POLR3B: variants seen among roughly 807,000 people sequenced by gnomAD.
POLR3B encodes RNA polymerase III subunit B, also known as DNA-directed RNA polymerase III subunit RPC2.
Under a neutral mutation model 147.4 loss-of-function variants are expected in POLR3B, and 96 were observed. The ratio of observed to expected loss-of-function variants is 0.65; its 90% CI spans 0.55 to 0.77. The LOEUF (loss-of-function observed/expected upper bound fraction) is 0.77. Ranked by LOEUF, POLR3B falls within the 30% of genes least tolerant of loss-of-function variation. The probability of loss-of-function intolerance (pLI) is 0.00; values close to 1 mark genes in which losing one functional copy is unlikely to be tolerated. For missense variants in POLR3B, 1,036 were observed against 1,413.5 expected (o/e 0.73, Z 4.28); for synonymous variants, 461 against 485.9 (o/e 0.95, Z 0.67).
chr12:106,387,392 A>G (rs1041700242), intron 9 of POLR3B, among the ~76,000 whole-genome samples: 1 of 152,122 alleles, frequency 6.6e-6, no homozygotes, highest in Non-Finnish European at 1.5e-5. Flanking sequence ...CAACCCTAGG[A>G]TGACTGTTAT....
intron 23 of POLR3B, among the ~76,000 whole-genome samples, chr12:106,467,381 A>T (rs2038021075): frequency 6.6e-6 from 1 of 152,168 alleles, no homozygotes; most frequent in Non-Finnish European, 1.5e-5. Flanking sequence ...CTAAATACAC[A>T]ATCATGTCAT....
In POLR3B at chr12:106,451,633, C is replaced by CGG. The variant is rs1555214725; in HGVS notation, c.2084-2862_2084-2861dup. Among the ~76,000 whole-genome samples, 20 of 23,040 alleles carry CGG rather than the reference C, an allele frequency of 8.7e-4. 1 individual carries two copies. The highest frequency in any genetic ancestry group is 5.2e-3 in the Admixed American group (9 of 1,728). The allele number at this position is 23,040 out of a possible 152,430, so 15.1% of individuals were successfully genotyped here. ...TGAGACTCTGTTATTTAAAAAAAGG[C>CGG]GGGGGGGGAGGAGAGGGGAGGGAAG... is the stretch of plus-strand genomic sequence containing the variant. On this transcript the variant is annotated intron_variant, in intron 19 of 27. Transcript: ENST00000228347.
chr12:106,366,870 G>A lies in POLR3B; in HGVS notation c.227+148G>A, dbSNP rs1032423963. 38 of 676,612 alleles carry A rather than the reference G, an allele frequency of 5.6e-5. No individual in the cohort carries two copies. The East Asian group carries it at 6.9e-4, about 12-fold the overall frequency. The allele number at this position is 676,612 out of a possible 1,614,324, so 41.9% of individuals were successfully genotyped here. On this transcript the variant is annotated intron_variant, in intron 4 of 27. Coordinates refer to ENST00000228347, the MANE Select transcript of POLR3B (RefSeq NM_018082.6). ...GTAATACCAAGCACTTTGGGAGGCC[G>A]AGGTGGGCAAATCACCTGGGGTCAA... is the stretch of plus-strand genomic sequence containing the variant.
chr12:106,409,189 A>G (rs2037188074), intron 11 of POLR3B, among the ~76,000 whole-genome samples: 1 of 152,164 alleles, frequency 6.6e-6, no homozygotes, highest in African/African-American at 2.4e-5. Context: ...AACTTGCCAC[A>G]TTAAGATTAG....
intron 23 of POLR3B, among the ~76,000 whole-genome samples, chr12:106,492,780 C>G (rs182106880): frequency 6.6e-6 from 1 of 152,156 alleles, no homozygotes; most frequent in South Asian, 2.1e-4. Flanking sequence ...CTCAATTCTT[C>G]CCCTTTACAA....
At position 106,444,458 on chromosome 12, in the gene POLR3B, G is replaced by C; in HGVS notation, c.1956-5G>C. On this transcript the variant is annotated splice_polypyrimidine_tract_variant and splice_region_variant and intron_variant, in intron 18 of 27. Coordinates refer to ENST00000228347, the MANE Select transcript of POLR3B (RefSeq NM_018082.6). ...AAGATATGTGATTTTTACTTAACTT[G>C]TTAGAGACACCACCCACTTGGAGAT... The C allele has an allele frequency of 6.2e-7, 1 of 1,613,646 alleles. No homozygotes were observed. The highest frequency in any genetic ancestry group is 8.5e-7 in the Non-Finnish European group (1 of 1,179,866).
intron 4 of POLR3B, among the ~76,000 whole-genome samples, chr12:106,367,678 A>G (rs556883118): frequency 1.3e-5 from 2 of 152,334 alleles, no homozygotes; most frequent in African/African-American, 2.4e-5. Context: ...TTGGGGTTAC[A>G]GATGCCAATA....
At chr12:106,476,854 T>A (rs552922533) in intron 23 of POLR3B, among the ~76,000 whole-genome samples, 1 of 152,174 alleles carries the variant, frequency 6.6e-6, no homozygotes, top group African/African-American at 2.4e-5. Context: ...GTCTGAAGAC[T>A]TCTTCTCTCA....
Position 106,509,796 on chromosome 12 carries a change from G to A in POLR3B, c.*247G>A, listed in dbSNP as rs2137098253. The A allele has an allele frequency of 2.3e-6, 1 of 432,514 alleles. No homozygotes were observed. Among genetic ancestry groups the A allele is most frequent in the Admixed American group, 3.5e-5 (1 of 28,904 alleles). The allele number at this position is 432,514 out of a possible 1,614,324, so 26.8% of individuals were successfully genotyped here. A position where few individuals can be genotyped will look rare whatever the true frequency, so the allele number is the denominator to read the frequency against. On this transcript the variant is annotated 3_prime_UTR_variant, in exon 28 of 28. Transcript: ENST00000228347. ...CTGCAAGGCTGCTTGATTCACAGAT[G>A]GATGTGACCTAAAGGATAAATAAGC...
chr12:106,371,916 G>C (rs1310479631), intron 6 of POLR3B, among the ~76,000 whole-genome samples: 2 of 151,812 alleles, frequency 1.3e-5, no homozygotes, highest in Admixed American at 6.6e-5. Context: ...TTGTGCACAT[G>C]TACCCTAAAA....
Position 106,481,912 on chromosome 12 carries a change from G to A in POLR3B, c.2714-14143G>A, listed in dbSNP as rs188646184. Among the ~76,000 whole-genome samples, 188 of 152,244 alleles carry A rather than the reference G, an allele frequency of 1.2e-3. 1 individual carries two copies. Among genetic ancestry groups the A allele is most frequent in the African/African-American group, 4.1e-3 (171 of 41,540 alleles). On this transcript the variant is annotated intron_variant, in intron 23 of 27. Coordinates refer to ENST00000228347, the MANE Select transcript of POLR3B (RefSeq NM_018082.6). ...GCACTAACCTTTTGTTTCCTGACCA[G>A]AGCCTTGCCTCTAAGACTTCTTGGG...
At chr12:106,407,130 T>C (rs776289163) in intron 11 of POLR3B, among the ~76,000 whole-genome samples, 4 of 152,220 alleles carry the variant, frequency 2.6e-5, no homozygotes, top group South Asian at 4.1e-4. Context: ...AAATTCTGAA[T>C]GTTAAAGCTG....
chr12:106,430,519 A>G, intron 14 of POLR3B, 46 bp downstream of exon 14: 1 of 1,450,412 alleles, frequency 6.9e-7, no homozygotes, highest in South Asian at 1.1e-5. Context: ...GGCGATACCT[A>G]TGTCTGTGCA....
intron 19 of POLR3B, among the ~76,000 whole-genome samples, chr12:106,454,012 CATTCTTTTTCTTCCCTTCTCTCCTGT>C (rs747425735): frequency 2.6e-5 from 4 of 152,210 alleles, no homozygotes; most frequent in Non-Finnish European, 5.9e-5. Context: ...CCTCTTTGTT[CATTCTTTTTCTTCCCTTCTCTCCTGT>C]ATTCTTTTTC....
chr12:106,449,326 T>C (rs1192299093), intron 19 of POLR3B, among the ~76,000 whole-genome samples: 3 of 152,140 alleles, frequency 2.0e-5, no homozygotes, highest in African/African-American at 7.2e-5. Flanking sequence ...AAGTTTCTGG[T>C]TTAGGAGCAT....
rs188792677 is a variant in POLR3B at position 106,376,099 on chromosome 12, G to A, written c.405-260G>A. Among the ~76,000 whole-genome samples, 602 of 152,256 alleles carry A rather than the reference G, an allele frequency of 4.0e-3. 7 individuals carry two copies. The highest frequency in any genetic ancestry group is 0.014 in the African/African-American group (583 of 41,560). On this transcript the variant is annotated intron_variant, in intron 6 of 27. Transcript: ENST00000228347. ...GGCCTCATGTGATCCACCCACCTTG[G>A]CCTCCCAAAGTGCTGGGATTATAGG...
At chr12:106,490,580 T>A (rs2038394111) in intron 23 of POLR3B, among the ~76,000 whole-genome samples, 1 of 152,200 alleles carries the variant, frequency 6.6e-6, no homozygotes, top group Non-Finnish European at 1.5e-5. Flanking sequence ...CTGGAAATGA[T>A]TCAACAACAG....
chr12:106,373,455 G>A (rs920038574), intron 6 of POLR3B, among the ~76,000 whole-genome samples: 2 of 151,980 alleles, frequency 1.3e-5, no homozygotes, highest in African/African-American at 4.8e-5. Context: ...ATTATTGTCT[G>A]TTTAATCTTT....
At chr12:106,398,674 C>T (rs976796708) in intron 10 of POLR3B, among the ~76,000 whole-genome samples, 10 of 152,172 alleles carry the variant, frequency 6.6e-5, no homozygotes, top group African/African-American at 2.2e-4. Context: ...TTGCGGTTCA[C>T]CAGTACCTGC....
Sources: gnomAD v4.1 joint callset for allele counts (sites outside exome capture counted in the v4.1 genomes callset) on GRCh38, gnomAD v4.1.1 for gene constraint, MANE v1.5 for transcripts, NCBI Gene and HGNC (gene_info 2026-07-23, HGNC 2026-07-21) for gene names.